XPO4: variants seen among roughly 807,000 people sequenced by gnomAD.
XPO4 encodes exportin 4, also known as exportin-4.
A neutral mutation model predicts 143.0 loss-of-function variants in XPO4; 39 were observed. The observed-to-expected ratio is 0.27, with a 90% CI of 0.21 to 0.36. The LOEUF is 0.36. XPO4 is among the 10% of genes least tolerant of loss of function. The pLI is 1.00. For synonymous variants in XPO4, 439 were observed against 474.0 expected, an observed-to-expected ratio of 0.93 and a Z score of 0.96; for missense variants, 907 against 1,348.0, an observed-to-expected ratio of 0.67 and a Z score of 5.12.
intron 19 of XPO4, among the ~76,000 whole-genome samples, chr13:20,789,568 G>T (rs7321886): frequency 0.63 from 94,049 of 149,168 alleles, 29,901 homozygotes; most frequent in East Asian, 0.96. Context: ...CTTTTTTTTT[G>T]TGTGTGTGTG....
intron 4 of XPO4, among the ~76,000 whole-genome samples, chr13:20,845,103 C>T (rs1391262244): frequency 2.6e-5 from 4 of 152,262 alleles, no homozygotes; most frequent in South Asian, 2.1e-4. Flanking sequence ...ACCTGGGAGC[C>T]GAAGGCTGCA....
intron 4 of XPO4, among the ~76,000 whole-genome samples, chr13:20,847,297 A>T (rs1354126753): frequency 6.6e-6 from 1 of 152,164 alleles, no homozygotes; most frequent in Admixed American, 6.6e-5. Flanking sequence ...CTCACTTCTA[A>T]ATATGTTTGC....
intron 22 of XPO4, among the ~76,000 whole-genome samples, chr13:20,786,596 A>T (rs757997937): frequency 2.0e-5 from 3 of 151,908 alleles, no homozygotes; most frequent in Non-Finnish European, 2.9e-5. Flanking sequence ...CTGAAGGCAG[A>T]CTCTTCCTTG....
chr13:20,856,323 A>G, intron 3 of XPO4: 13 of 985,334 alleles, frequency 1.3e-5, no homozygotes, highest in Non-Finnish European at 1.4e-5. Context: ...TAAAACACAC[A>G]CACACAAACA....
intron 1 of XPO4, among the ~76,000 whole-genome samples, chr13:20,875,686 A>C (rs1197661370): frequency 1.3e-5 from 2 of 152,128 alleles, no homozygotes; most frequent in Non-Finnish European, 2.9e-5. Flanking sequence ...GGCCTGCCCT[A>C]TCTCAAAAAC....
At chr13:20,790,682 T>C in intron 18 of XPO4, 102 bp from the exon 19 acceptor site, 1 of 871,006 alleles carries the variant, frequency 1.1e-6, no homozygotes, top group Non-Finnish European at 1.8e-6. Flanking sequence ...AGAGGCTAAA[T>C]AAATCAATGA....
chr13:20,897,634 C>T (rs2060582602), intron 1 of XPO4, among the ~76,000 whole-genome samples: 1 of 152,194 alleles, frequency 6.6e-6, no homozygotes, highest in Non-Finnish European at 1.5e-5. Flanking sequence ...TTTCTATATA[C>T]TGAAGAAATG....
chr13:20,898,000 A>G (rs1272164160), intron 1 of XPO4, among the ~76,000 whole-genome samples: 1 of 152,092 alleles, frequency 6.6e-6, no homozygotes, highest in Non-Finnish European at 1.5e-5. Context: ...TGATCCACCT[A>G]CTTTGGCCTC....
intron 18 of XPO4, among the ~76,000 whole-genome samples, chr13:20,793,036 CGCCTCA>C (rs1403914991): frequency 2.0e-5 from 3 of 152,092 alleles, no homozygotes; most frequent in African/African-American, 7.2e-5. Context: ...GTGATCCACC[CGCCTCA>C]GCCTCCCAAA....
In XPO4 at chr13:20,822,140, A is replaced by C; in HGVS notation, c.990T>G (p.Thr330=). 6.2e-7 allele frequency: 1 copy of C among 1,611,258 alleles called. No homozygotes were observed. ...AGGGCAAGTATACCTACCCATTGAT[A>C]GTATTCAGTAATCCCTCAATGAAGT... is the stretch of plus-strand genomic sequence containing the variant. ...LAHFIEGLLN[T]INGIEIEDSE... The change falls in exon 8 of 23, where the codon ACT becomes ACG. Residue 330 remains threonine, a synonymous_variant. Transcript: ENST00000255305.
At chr13:20,809,005 T>G (rs2059541751) in intron 11 of XPO4, 78 bp downstream of exon 11, 1 of 1,521,532 alleles carries the variant, frequency 6.6e-7, no homozygotes, top group African/African-American at 1.4e-5. Flanking sequence ...TTTAAAGTCT[T>G]TAAACACTTT....
At chr13:20,797,914 C>T (rs937444847) in intron 16 of XPO4, among the ~76,000 whole-genome samples, 2 of 152,146 alleles carry the variant, frequency 1.3e-5, no homozygotes, top group African/African-American at 4.8e-5. Flanking sequence ...TTTTGGAAGG[C>T]TGAGGTGGGC....
Position 20,821,696 on chromosome 13 carries a change from TCACTCACCA to T in XPO4, c.1172_1173+7del. The T allele has an allele frequency of 6.2e-7, 1 of 1,608,928 alleles. No homozygotes were observed. The highest frequency in any genetic ancestry group is 8.5e-7 in the Non-Finnish European group (1 of 1,177,382). On this transcript the variant is annotated splice_donor_variant and splice_donor_5th_base_variant and coding_sequence_variant and intron_variant, in exon 9 of 23. Coordinates refer to ENST00000255305, the MANE Select transcript of XPO4 (RefSeq NM_022459.5). LOFTEE classifies it high-confidence loss of function. ...ACTGACACAATTTACTTTAGAATAGTCACTCACCACTTCTTCCAATGCAGCACTTCGCCC... is the reference window on the plus strand; with the variant it reads ...ACTGACACAATTTACTTTAGAATAGTCTTCTTCCAATGCAGCACTTCGCCC...
chr13:20,799,315 C>T lies in XPO4; in HGVS notation c.2172G>A (p.Glu724=). ...RERANLVIQC[E]NWWNLAKQFA... is the part of the protein sequence containing the mutation. Reference sequence around the variant, plus strand: ...ACTGCTTAGCTAAATTCCACCAGTTCTCACATTGAATTACTAAGTTTGCCC... The same window carrying T: ...ACTGCTTAGCTAAATTCCACCAGTTTTCACATTGAATTACTAAGTTTGCCC... The change falls in exon 16 of 23, where the codon GAG becomes GAA. Residue 724 remains glutamate (E), a synonymous_variant. Coordinates refer to ENST00000255305, the MANE Select transcript of XPO4 (RefSeq NM_022459.5). The T allele has an allele frequency of 6.2e-7, 1 of 1,613,540 alleles. No homozygotes were observed. Among genetic ancestry groups the T allele is most frequent in the Non-Finnish European group, 8.5e-7 (1 of 1,179,638 alleles).
Position 20,891,705 on chromosome 13 carries a change from T to C in XPO4, c.69+10965A>G, listed in dbSNP as rs575884423. ...TAGTGAAACCCTGTCTCTACTAAAA[T>C]ACAAAAAAATAGCCAGGCGTGGCAG... On this transcript the variant is annotated intron_variant, in intron 1 of 22. Transcript: ENST00000255305. Among the ~76,000 whole-genome samples, 511 of 151,462 alleles carry C rather than the reference T, an allele frequency of 3.4e-3. 4 individuals carry two copies. Among genetic ancestry groups the C allele is most frequent in the African/African-American group, 0.012 (492 of 41,222 alleles).
intron 1 of XPO4, chr13:20,902,144 C>G (rs34962767): frequency 0.019 from 18,274 of 985,364 alleles, 378 homozygotes; most frequent in African/African-American, 0.094. Flanking sequence ...CCGGCCCGGC[C>G]CTTCCACGTG....
Position 20,853,004 on chromosome 13 carries a change from T to C in XPO4, c.456+2623A>G, listed in dbSNP as rs1056892023. 20 of 985,344 alleles carry C rather than the reference T, an allele frequency of 2.0e-5. No individual in the cohort carries two copies. In the East Asian group the frequency reaches 1.5e-3, roughly 73 times the overall value. The allele number at this position is 985,344 out of a possible 1,614,324, so 61.0% of individuals were successfully genotyped here. A position where few individuals can be genotyped will look rare whatever the true frequency, so the allele number is the denominator to read the frequency against. ...ATGCTGATCAGAAATGGAGACTATA[T>C]CTACTACCACAATTTATATTACTCT... On this transcript the variant is annotated intron_variant, in intron 4 of 22. Coordinates refer to ENST00000255305, the MANE Select transcript of XPO4 (RefSeq NM_022459.5).
At chr13:20,788,432 GGAA>G in intron 20 of XPO4, 51 bp downstream of exon 20, 1 of 1,564,268 alleles carries the variant, frequency 6.4e-7, no homozygotes, top group Non-Finnish European at 8.6e-7. Flanking sequence ...TTTCTTTAAA[GGAA>G]GATCTTTTTC....
chr13:20,823,571 T>C (rs573572642), intron 7 of XPO4, among the ~76,000 whole-genome samples: 1 of 151,084 alleles, frequency 6.6e-6, no homozygotes, highest in African/African-American at 2.5e-5. Context: ...ATGGTTGTGT[T>C]TTTTTCTTTT....
Sources: allele counts gnomAD v4.1 joint callset (sites outside exome capture counted in the v4.1 genomes callset), GRCh38; gene constraint gnomAD v4.1.1; transcripts MANE v1.5; gene names NCBI Gene and HGNC (gene_info 2026-07-23, HGNC 2026-07-21).